The following NUDT3 variants were observed in gnomAD, a reference collection of about 807,000 sequenced individuals.
The protein encoded by NUDT3 is nudix hydrolase 3, also known as diphosphoinositol polyphosphate phosphohydrolase 1.
NUDT3 carries 9 observed loss-of-function variants against 23.6 expected under a neutral mutation model. The observed-to-expected ratio is 0.38, with a 90% CI of 0.23 to 0.66. NUDT3 has a LOEUF of 0.66. NUDT3 is among the 30% of genes least tolerant of loss of function. The probability of loss-of-function intolerance (pLI) is 0.52; values close to 1 mark genes in which losing one functional copy is unlikely to be tolerated. For missense variants in NUDT3, 172 were observed against 218.5 expected (o/e 0.79, Z 1.34); for synonymous variants, 86 against 82.6 (o/e 1.04, Z -0.22).
chr6:34,342,289 CAAAAAAAAAAA>C lies in NUDT3; in HGVS notation c.100-328_100-318del, dbSNP rs200954440. 3.0e-4 allele frequency among the ~76,000 whole-genome samples: 20 copies of C among 66,492 alleles called. 1 individual carries two copies. Among genetic ancestry groups the C allele is most frequent in the Admixed American group, 6.2e-4 (5 of 8,060 alleles). 43.6% of individuals were successfully genotyped at this position (66,492 alleles called of 152,430 possible). On this transcript the variant is annotated intron_variant, in intron 1 of 4. Transcript: ENST00000607016. ...ACCTGACAAGGTGAATAGAAGACTT[CAAAAAAAAAAA>C]AAAAAAAAAAAAAAGAGGATTGTCA...
At position 34,287,379 on chromosome 6, in the gene NUDT3, A is replaced by G. The variant is rs1038147056; in HGVS notation, c.*1374T>C. 1 of 152,166 alleles carries G rather than the reference A, an allele frequency of 6.6e-6. No individual in the cohort carries two copies. Among genetic ancestry groups the G allele is most frequent in the East Asian group, 1.9e-4 (1 of 5,198 alleles). 9.4% of individuals were successfully genotyped at this position (152,166 alleles called of 1,614,324 possible). ...CCCTCTTACTTCCGAACTAAACAACACAATTGGCAAATGAAGCCAGCACGA... is the reference window on the plus strand; with the variant it reads ...CCCTCTTACTTCCGAACTAAACAACGCAATTGGCAAATGAAGCCAGCACGA... On this transcript the variant is annotated 3_prime_UTR_variant, in exon 5 of 5. Transcript: ENST00000607016.
intron 4 of NUDT3, among the ~76,000 whole-genome samples, chr6:34,290,257 T>C (rs113378258): frequency 1.3e-5 from 2 of 151,432 alleles, no homozygotes; most frequent in African/African-American, 2.4e-5. Context: ...TTTTTTTTTT[T>C]CCAGAGATAG....
chr6:34,315,502 A>G (rs1763844196), intron 2 of NUDT3, among the ~76,000 whole-genome samples: 2 of 152,256 alleles, frequency 1.3e-5, no homozygotes, highest in South Asian at 4.1e-4. Flanking sequence ...ATAGGTATGT[A>G]GTGGCATCTC....
rs183561308 is a variant in NUDT3 at position 34,303,979 on chromosome 6, G to A, written c.211-8294C>T. 3.4e-3 allele frequency among the ~76,000 whole-genome samples: 515 copies of A among 152,272 alleles called. 3 individuals carry two copies. Among genetic ancestry groups the A allele is most frequent in the African/African-American group, 7.6e-3 (315 of 41,544 alleles). ...TAGAAAGTCTGCTACGAGGCCAGGC[G>A]CAGTGGCTCATGCCTGTGATCTCAG... On this transcript the variant is annotated intron_variant, in intron 2 of 4. Coordinates refer to ENST00000607016, the MANE Select transcript of NUDT3 (RefSeq NM_006703.4).
intron 2 of NUDT3, among the ~76,000 whole-genome samples, chr6:34,307,188 G>T (rs537683979): frequency 7.2e-5 from 11 of 152,260 alleles, no homozygotes; most frequent in Non-Finnish European, 1.3e-4. Context: ...TAGCAGGACT[G>T]CATGAGCCCA....
intron 2 of NUDT3, among the ~76,000 whole-genome samples, chr6:34,308,690 T>C (rs2113707761): frequency 6.6e-6 from 1 of 152,208 alleles, no homozygotes; most frequent in African/African-American, 2.4e-5. Context: ...TTGAAAGCTG[T>C]CAGGAATAGA....
In NUDT3 at chr6:34,392,461, A is replaced by C; in HGVS notation, c.-99T>G. 2.4e-6 allele frequency: 2 copies of C among 818,610 alleles called. No individual in the cohort carries two copies. The highest frequency in any genetic ancestry group is 3.1e-5 in the South Asian group (2 of 64,046). 50.7% of individuals were successfully genotyped at this position (818,610 alleles called of 1,614,324 possible). On this transcript the variant is annotated 5_prime_UTR_variant, in exon 1 of 5. Transcript: ENST00000607016. ...GTGCGCGCGCGCCCCCGGCTCGGCCAAGGGAAGCAGGGAGGGGGAGCTTCT... is the reference window on the plus strand; with the variant it reads ...GTGCGCGCGCGCCCCCGGCTCGGCCCAGGGAAGCAGGGAGGGGGAGCTTCT...
intron 2 of NUDT3, among the ~76,000 whole-genome samples, chr6:34,336,914 A>G (rs551500515): frequency 3.9e-5 from 6 of 152,358 alleles, no homozygotes; most frequent in African/African-American, 1.4e-4. Flanking sequence ...CTGAAAGCAT[A>G]AACATCTTGA....
At chr6:34,385,993 T>G (rs1340884282) in intron 1 of NUDT3, among the ~76,000 whole-genome samples, 6 of 152,234 alleles carry the variant, frequency 3.9e-5, no homozygotes, top group Non-Finnish European at 8.8e-5. Context: ...CTTGTTCTTT[T>G]CTGAACTCAA....
In NUDT3 at chr6:34,295,549, A is replaced by C. The variant is rs1291990374; in HGVS notation, c.255+92T>G. The C allele has an allele frequency of 1.2e-5, 17 of 1,451,654 alleles. 1 individual carries two copies. The Admixed American group carries it at 2.5e-4, about 21-fold the overall frequency. The allele number at this position is 1,451,654 out of a possible 1,614,324, so 89.9% of individuals were successfully genotyped here. A position where few individuals can be genotyped will look rare whatever the true frequency, so the allele number is the denominator to read the frequency against. On this transcript the variant is annotated intron_variant, in intron 3 of 4. Coordinates refer to ENST00000607016, the MANE Select transcript of NUDT3 (RefSeq NM_006703.4). ...GTTAAAAATAACTAAAAAAAAAAAA[A>C]CTCGCTGAAACAGAAATGGCATTTT...
chr6:34,366,601 G>A (rs535067181), intron 1 of NUDT3, among the ~76,000 whole-genome samples: 11 of 151,252 alleles, frequency 7.3e-5, no homozygotes, highest in Non-Finnish European at 1.0e-4. Flanking sequence ...TCTGTTGCCC[G>A]GGCTGGAGTA....
chr6:34,357,553 G>C (rs1002568940), intron 1 of NUDT3, among the ~76,000 whole-genome samples: 1 of 151,388 alleles, frequency 6.6e-6, no homozygotes, highest in Admixed American at 6.6e-5. Context: ...GGCTGAGGCT[G>C]CAATGAGCCG....
intron 1 of NUDT3, among the ~76,000 whole-genome samples, chr6:34,377,832 C>CA (rs774757508): frequency 0.035 from 2,175 of 61,420 alleles, 19 homozygotes; most frequent in Non-Finnish European, 0.047. Context: ...GACTCCGTCT[C>CA]AAAAAAAAAA....
At chr6:34,330,441 A>G (rs954058860) in intron 2 of NUDT3, among the ~76,000 whole-genome samples, 1 of 152,194 alleles carries the variant, frequency 6.6e-6, no homozygotes, top group Admixed American at 6.5e-5. Context: ...GGCTGCGTAA[A>G]TGTAGAAGAT....
intron 1 of NUDT3, among the ~76,000 whole-genome samples, chr6:34,384,548 C>T (rs1038844185): frequency 1.3e-5 from 2 of 152,108 alleles, no homozygotes; most frequent in Non-Finnish European, 2.9e-5. Flanking sequence ...CTCACAGAGG[C>T]TCTAAAAAAG....
At chr6:34,360,268 A>AAAAAC (rs570654012) in intron 1 of NUDT3, among the ~76,000 whole-genome samples, 4,674 of 151,064 alleles carry the variant, frequency 0.031, 104 homozygotes, top group Non-Finnish European at 0.05. Context: ...AGCTAAAAAC[A>AAAAAC]AAAACAAAAC....
At chr6:34,331,187 T>A (rs1764122131) in intron 2 of NUDT3, among the ~76,000 whole-genome samples, 1 of 152,160 alleles carries the variant, frequency 6.6e-6, no homozygotes, top group Non-Finnish European at 1.5e-5. Context: ...GCGGATAGAT[T>A]AACAAGGCTA....
At chr6:34,310,392 C>T (rs1236151987) in intron 2 of NUDT3, among the ~76,000 whole-genome samples, 2 of 151,876 alleles carry the variant, frequency 1.3e-5, no homozygotes, top group Non-Finnish European at 2.9e-5. Context: ...TAGCCGGGCG[C>T]GGTGGTACAT....
chr6:34,330,171 G>A (rs147898238), intron 2 of NUDT3, among the ~76,000 whole-genome samples: 8,841 of 152,220 alleles, frequency 0.058, 657 homozygotes, highest in African/African-American at 0.17. Flanking sequence ...ACCCAGTAAT[G>A]GGATGGCTGG....
Sources: allele counts gnomAD v4.1 joint callset (sites outside exome capture counted in the v4.1 genomes callset), GRCh38; gene constraint gnomAD v4.1.1; transcripts MANE v1.5; gene names NCBI Gene and HGNC (gene_info 2026-07-23, HGNC 2026-07-21).